Variants in TRIML2 observed in about 807,000 individuals in gnomAD.
TRIML2 encodes the protein tripartite motif family like 2.
TRIML2 carries 28 observed loss-of-function variants against 31.2 expected under a neutral mutation model. The ratio of observed to expected loss-of-function variants is 0.90; its 90% confidence interval spans 0.66 to 1.23. The LOEUF is 1.23. TRIML2 is among the 50% of genes most tolerant of loss of function. The pLI is 0.00. For missense variants in TRIML2, 536 were observed against 528.3 expected, an observed-to-expected ratio of 1.01 and a Z score of -0.14; for synonymous variants, 187 against 197.5, an observed-to-expected ratio of 0.95 and a Z score of 0.45.
At chr4:188,098,856 C>G in intron 5 of TRIML2, 179 bp downstream of exon 5, 1 of 658,288 alleles carries the variant, frequency 1.5e-6, no homozygotes, top group Non-Finnish European at 2.5e-6. Flanking sequence ...TCCACACTAT[C>G]CCACAAAGCT....
chr4:188,094,306 T>C (rs1733405837), intron 7 of TRIML2, among the ~76,000 whole-genome samples: 1 of 152,144 alleles, frequency 6.6e-6, no homozygotes, highest in South Asian at 2.1e-4. Context: ...CAGAAAAGGC[T>C]TACAGACTGG....
intron 1 of TRIML2, among the ~76,000 whole-genome samples, chr4:188,108,025 A>G (rs1312336000): frequency 1.3e-5 from 2 of 152,160 alleles, no homozygotes; most frequent in African/African-American, 2.4e-5. Flanking sequence ...TTGAGCTCTC[A>G]GCAGCAGTTA....
At chr4:188,097,433 A>T (rs915699154) in intron 5 of TRIML2, 87 bp from the exon 6 acceptor site, 3 of 1,235,070 alleles carry the variant, frequency 2.4e-6, no homozygotes, top group Non-Finnish European at 3.5e-6. Flanking sequence ...TCTTACAATG[A>T]ACTCAATTTC....
chr4:188,103,760 GT>G (rs552547025), intron 3 of TRIML2, among the ~76,000 whole-genome samples: 22 of 151,984 alleles, frequency 1.4e-4, no homozygotes, highest in South Asian at 8.3e-4. Flanking sequence ...AGCAGAGCTG[GT>G]TTTTTTTGTT....
At chr4:188,103,627 T>C (rs551051243) in intron 3 of TRIML2, among the ~76,000 whole-genome samples, 1 of 152,312 alleles carries the variant, frequency 6.6e-6, no homozygotes, top group Admixed American at 6.5e-5. Context: ...GATCACTTTA[T>C]TTACAAGCTC....
At chr4:188,102,144 A>G (rs1733825187) in intron 3 of TRIML2, among the ~76,000 whole-genome samples, 2 of 151,388 alleles carry the variant, frequency 1.3e-5, no homozygotes, top group Admixed American at 6.6e-5. Context: ...AAAAAAAAAA[A>G]AAAAAGAAAT....
Position 188,102,116 on chromosome 4 carries a change from G to C in TRIML2, c.286-866C>G, listed in dbSNP as rs546461532. 6.6e-4 allele frequency among the ~76,000 whole-genome samples: 98 copies of C among 147,738 alleles called. 1 individual carries two copies. The South Asian group carries it at 0.019, about 28-fold the overall frequency. On this transcript the variant is annotated intron_variant, in intron 3 of 7. Coordinates refer to ENST00000682553, the MANE Select transcript of TRIML2 (RefSeq NM_173553.4). ...CCGCACTCCAGCCTGGGCGACAGAG[G>C]GAGACTCCATCTTAAAAAAAAAAAA...
chr4:188,106,657 T>C (rs151231892), intron 1 of TRIML2: 3,117 of 156,274 alleles, frequency 0.02, 103 homozygotes, highest in African/African-American at 0.069. Context: ...ACTGGAGGGC[T>C]TCGCCCCGGA....
rs773370470 is a variant in TRIML2 at position 188,105,399 on chromosome 4, C to CT, written c.-32dup. The CT allele has an allele frequency of 9.4e-6, 14 of 1,494,210 alleles. No individual in the cohort carries two copies. In the Admixed American group the frequency reaches 1.8e-4, roughly 19 times the overall value. 92.6% of individuals were successfully genotyped at this position (1,494,210 alleles called of 1,614,324 possible). Reference sequence around the variant, plus strand: ...TAGGGGTCCCTAGTTGAAGACTGGACTGTATGCTTCTACTGAGGTATCTCC... The same window carrying CT: ...TAGGGGTCCCTAGTTGAAGACTGGACTTGTATGCTTCTACTGAGGTATCTCC... On this transcript the variant is annotated 5_prime_UTR_variant, in exon 2 of 8. Coordinates refer to ENST00000682553, the MANE Select transcript of TRIML2 (RefSeq NM_173553.4).
At position 188,101,082 on chromosome 4, in the gene TRIML2, C is replaced by A. The variant is rs1579177816; in HGVS notation, c.454G>T (p.Glu152Ter). Residue 152 changes from glutamate to a stop codon, truncating the protein, a stop_gained, in exon 4 of 8, where the codon GAG becomes TAG. Transcript: ENST00000682553. LOFTEE classifies it high-confidence loss of function. ...TGTAGCATTTCCTGGAACATCTCCT[C>A]TAGCTCGGTGGCAAGCTTGATCGCT... is the stretch of plus-strand genomic sequence containing the variant. ...NQAIKLATEL[E>*]EMFQEMLQRL... 1 of 1,613,516 alleles carries A rather than the reference C, an allele frequency of 6.2e-7. No individual in the cohort carries two copies. Among genetic ancestry groups the A allele is most frequent in the Non-Finnish European group, 8.5e-7 (1 of 1,179,726 alleles).
In TRIML2 at chr4:188,105,283, A is replaced by T. The variant is rs1032999369; in HGVS notation, c.86T>A (p.Phe29Tyr). ...GAGTGTGATTTGGTCAACATCACAGAACAGCCGTGTTGGTTCCAGGTGTGT... is the reference window on the plus strand; with the variant it reads ...GAGTGTGATTTGGTCAACATCACAGTACAGCCGTGTTGGTTCCAGGTGTGT... ...CETHLEPTRL[F>Y]CDVDQITLCS... The change falls in exon 2 of 8, where the codon TTC becomes TAC. Residue 29 changes from phenylalanine (F) to tyrosine (Y), a missense_variant. Phe to Tyr is a conservative substitution (Grantham distance 22, BLOSUM62 3). Coordinates refer to ENST00000682553, the MANE Select transcript of TRIML2 (RefSeq NM_173553.4). 1 of 1,612,754 alleles carries T rather than the reference A, an allele frequency of 6.2e-7. No individual in the cohort carries two copies. The highest frequency in any genetic ancestry group is 8.5e-7 in the Non-Finnish European group (1 of 1,178,842).
intron 7 of TRIML2, among the ~76,000 whole-genome samples, chr4:188,094,912 T>C (rs930907503): frequency 1.3e-5 from 2 of 152,202 alleles, no homozygotes. Context: ...CAGTGTGCTA[T>C]TGGCAAAGGG....
intron 1 of TRIML2, among the ~76,000 whole-genome samples, chr4:188,108,533 G>A (rs7654382): frequency 2.0e-5 from 3 of 151,904 alleles, no homozygotes; most frequent in African/African-American, 7.3e-5. Context: ...GAGCAGGTTT[G>A]TGGTCACTTT....
chr4:188,094,972 G>C (rs78158338), intron 7 of TRIML2, among the ~76,000 whole-genome samples: 2 of 152,010 alleles, frequency 1.3e-5, no homozygotes, highest in Non-Finnish European at 2.9e-5. Flanking sequence ...AGACGTGATC[G>C]CATATACCAG....
At position 188,091,643 on chromosome 4, in the gene TRIML2, G is replaced by A. The variant is rs371374323; in HGVS notation, c.1044C>T (p.Thr348=). Residue 348 remains threonine (T), a synonymous_variant, in exon 8 of 8, where the codon ACC becomes ACT. Transcript: ENST00000682553. ...GGGGGAAGACCCAGAGAGTCCACTC[G>A]GTCCCCATCACCGACCCCGTGAGCA... The part of the protein sequence containing the change: ...KVLLTGSVMG[T]EWTLWVFPPL... 1.4e-5 allele frequency: 22 copies of A among 1,613,822 alleles called. No individual in the cohort carries two copies. In the East Asian group the frequency reaches 2.9e-4, roughly 21 times the overall value.
intron 7 of TRIML2, among the ~76,000 whole-genome samples, chr4:188,096,371 C>T (rs9995222): frequency 0.055 from 8,381 of 151,294 alleles, 371 homozygotes; most frequent in African/African-American, 0.12. Flanking sequence ...CTCATCTCTA[C>T]TATACAAAAA....
intron 3 of TRIML2, among the ~76,000 whole-genome samples, chr4:188,102,594 T>A (rs1195074936): frequency 6.6e-6 from 1 of 152,060 alleles, no homozygotes; most frequent in South Asian, 2.1e-4. Flanking sequence ...CTCACGTCTG[T>A]AATCCCAGCA....
In TRIML2 at chr4:188,101,101, G is replaced by C. The variant is rs1433614824; in HGVS notation, c.435C>G (p.Ile145Met). The C allele has an allele frequency of 3.7e-6, 6 of 1,613,432 alleles. No homozygotes were observed. Among genetic ancestry groups the C allele is most frequent in the Non-Finnish European group, 5.1e-6 (6 of 1,179,740 alleles). ...NLRETLLNQA[I>M]KLATELEEMF... ...TCTCCTCTAGCTCGGTGGCAAGCTT[G>C]ATCGCTTGATTCAGAAGGGTTTCTC... Residue 145 changes from isoleucine to methionine, a missense_variant, in exon 4 of 8, where the codon ATC becomes ATG. Physicochemically the swap from Ile to Met is conservative, Grantham distance 10. Transcript: ENST00000682553.
chr4:188,104,455 C>T (rs1386631515), intron 3 of TRIML2, among the ~76,000 whole-genome samples: 2 of 150,334 alleles, frequency 1.3e-5, no homozygotes, highest in Non-Finnish European at 3.0e-5. Context: ...CCTCTGCCTC[C>T]CAGTTCAAGC....
Sources: allele counts gnomAD v4.1 joint callset (sites outside exome capture counted in the v4.1 genomes callset), GRCh38; gene constraint gnomAD v4.1.1; transcripts MANE v1.5; gene names NCBI Gene and HGNC (gene_info 2026-07-23, HGNC 2026-07-21).